Variants in ABCB6 observed in about 807,000 individuals in gnomAD.
The protein encoded by ABCB6 is ATP-binding cassette sub-family B member 6.
A neutral mutation model predicts 99.4 loss-of-function variants in ABCB6; 87 were observed. That is an observed-to-expected ratio of 0.88 (90% CI 0.74 to 1.05). The LOEUF is 1.05. Among genes scored for constraint, ABCB6 ranks in the 50% least tolerant of loss-of-function variants. ABCB6 has a pLI of 0.00. For synonymous variants in ABCB6, 482 were observed against 447.5 expected (o/e 1.08, Z -0.97); for missense variants, 1,050 against 1,097.9 (o/e 0.96, Z 0.62).
Position 219,213,064 on chromosome 2 carries a change from G to A in ABCB6, c.1807C>T (p.Arg603Trp), listed in dbSNP as rs778457867. 7.2e-5 allele frequency: 116 copies of A among 1,613,612 alleles called. No individual in the cohort carries two copies. Among genetic ancestry groups the A allele is most frequent in the Admixed American group, 1.0e-4 (6 of 59,962 alleles). ...AAAGACACGTCCTGCAGAGTCTCCC[G>A]CCTGCAAGGAAAGGTGGGGTTGCTC... ...ENVHFSYADG[R>W]ETLQDVSFTV... Residue 603 changes from arginine to tryptophan, a missense_variant and splice_region_variant, in exon 13 of 19, where the codon CGG (arginine) becomes TGG (tryptophan). Physicochemically the swap from Arg to Trp is moderately radical, Grantham distance 101. Coordinates refer to ENST00000265316, the MANE Select transcript of ABCB6 (RefSeq NM_005689.4).
rs763133963 is a variant in ABCB6 at position 219,218,506 on chromosome 2, G to C, written c.168C>G (p.Pro56=). ...CCCAAGACAGCGAATCAGCACCAGC[G>C]GGCCGCTCCCGGCGTCTGCAGGGAA... ...LALPCRRRER[P]AGADSLSWGA... Residue 56 remains proline (P), a synonymous_variant, in exon 1 of 19, where the codon CCC becomes CCG. Transcript: ENST00000265316. The C allele has an allele frequency of 6.2e-7, 1 of 1,609,402 alleles. No individual in the cohort carries two copies. The highest frequency in any genetic ancestry group is 1.1e-5 in the South Asian group (1 of 90,772).
rs1309652433 is a variant in ABCB6 at position 219,216,835 on chromosome 2, A to T, written c.688-3T>A. The T allele has an allele frequency of 5.6e-6, 9 of 1,609,542 alleles. No homozygotes were observed. Among genetic ancestry groups the T allele is most frequent in the Non-Finnish European group, 7.6e-6 (9 of 1,178,310 alleles). ...GACTGTTGGGCTGCTGACCGAACCT[A>T]GGATGGTGAAACACGTAGGAAGGGA... On this transcript the variant is annotated splice_region_variant and splice_polypyrimidine_tract_variant and intron_variant, in intron 2 of 18. Coordinates refer to ENST00000265316, the MANE Select transcript of ABCB6 (RefSeq NM_005689.4). This position sits in a 1 kb window ranked among gnomAD's most constrained non-coding sequence, Gnocchi z 4.2.
Position 219,209,939 on chromosome 2 carries a change from C to T in ABCB6, c.2528G>A (p.Ter843=). Residue 843 remains the stop codon, a stop_retained_variant, in exon 19 of 19, where the codon TGA becomes TAA. Coordinates refer to ENST00000265316, the MANE Select transcript of ABCB6 (RefSeq NM_005689.4). ...EDTKPQTMER[*] ...GAGAGGGAAGTGGCCAAACTTTTGT[C>T]ACCGTTCCATGGTCTGAGGCTTAGT... is the stretch of plus-strand genomic sequence containing the variant. The T allele has an allele frequency of 4.3e-6, 7 of 1,613,990 alleles. No homozygotes were observed. Among genetic ancestry groups the T allele is most frequent in the Non-Finnish European group, 5.9e-6 (7 of 1,179,836 alleles).
At position 219,218,744 on chromosome 2, in the gene ABCB6, G is replaced by A; in HGVS notation, c.-71C>T. ...GAGGCCGGGACTGGTCACTCGGAGAGGGGCGCGGACATCCGGGTGCCTTGG... is the reference window on the plus strand; with the variant it reads ...GAGGCCGGGACTGGTCACTCGGAGAAGGGCGCGGACATCCGGGTGCCTTGG... On this transcript the variant is annotated 5_prime_UTR_variant, in exon 1 of 19. Coordinates refer to ENST00000265316, the MANE Select transcript of ABCB6 (RefSeq NM_005689.4). 1 of 1,452,386 alleles carries A rather than the reference G, an allele frequency of 6.9e-7. No individual in the cohort carries two copies. Among genetic ancestry groups the A allele is most frequent in the Non-Finnish European group, 9.1e-7 (1 of 1,098,730 alleles). 90.0% of individuals were successfully genotyped at this position (1,452,386 alleles called of 1,614,324 possible).
In ABCB6 at chr2:219,216,749, C is replaced by T; in HGVS notation, c.771G>A (p.Gly257=). Residue 257 remains glycine (G), a synonymous_variant, in exon 3 of 19, where the codon GGG becomes GGA. Coordinates refer to ENST00000265316, the MANE Select transcript of ABCB6 (RefSeq NM_005689.4). The surrounding 1 kb of genome is among the most constrained non-coding windows in gnomAD (Gnocchi z 4.2). The part of the protein sequence containing the change: ...RLLSGYLWPR[G]SPALQLVVLI... ...GCACCACCAGCTGCAGAGCTGGACT[C>T]CCTCGAGGCCACAGGTAGCCACTCA... 6.2e-7 allele frequency: 1 copy of T among 1,610,224 alleles called. No homozygotes were observed. Among genetic ancestry groups the T allele is most frequent in the South Asian group, 1.1e-5 (1 of 90,408 alleles).
At chr2:219,211,507 T>C (rs954782059) in intron 14 of ABCB6, among the ~76,000 whole-genome samples, 1 of 152,140 alleles carries the variant, frequency 6.6e-6, no homozygotes, top group African/African-American at 2.4e-5. Flanking sequence ...GCCAGGTATG[T>C]TGCCCAGGCT....
chr2:219,215,996 C>T lies in ABCB6; in HGVS notation c.1154+1G>A, dbSNP rs2106427805. On this transcript the variant is annotated splice_donor_variant, in intron 5 of 18. Transcript: ENST00000265316. LOFTEE classifies it high-confidence loss of function. ...ACATGCCCTTTCCACTGGGGCGGCA[C>T]CTGAGCAGCCCTGTGACACTGGATG... The T allele has an allele frequency of 6.4e-7, 1 of 1,561,906 alleles. No individual in the cohort carries two copies. Among genetic ancestry groups the T allele is most frequent in the African/African-American group, 1.4e-5 (1 of 73,918 alleles).
In ABCB6 at chr2:219,216,267, A is replaced by G. The variant is rs1281381202; in HGVS notation, c.971-87T>C. On this transcript the variant is annotated intron_variant, in intron 4 of 18. Transcript: ENST00000265316. The surrounding 1 kb of genome is among the most constrained non-coding windows in gnomAD (Gnocchi z 4.2). The stretch of plus-strand genomic sequence containing the variant: ...CAGGATGTGAAAGGTCTGAGAGTAC[A>G]TGGGGGCTGGGGAGGAATGCTGGGA... The G allele has an allele frequency of 8.9e-6, 14 of 1,581,896 alleles. No homozygotes were observed. Among genetic ancestry groups the G allele is most frequent in the Non-Finnish European group, 1.2e-5 (14 of 1,158,798 alleles).
chr2:219,212,247 T>C (rs1950587771), intron 14 of ABCB6, 140 bp downstream of exon 14: 2 of 670,020 alleles, frequency 3.0e-6, no homozygotes, highest in Non-Finnish European at 5.2e-6. Flanking sequence ...CTACTTTACT[T>C]GTGTGACTGT....
chr2:219,214,828 C>T lies in ABCB6; in HGVS notation c.1276+133G>A, dbSNP rs560515281. Reference sequence around the variant, plus strand: ...CAGAAGAGACCCGCCCATCACATGACGAGCACTAGGAGCCCATTCAAGTCC... The same window carrying T: ...CAGAAGAGACCCGCCCATCACATGATGAGCACTAGGAGCCCATTCAAGTCC... On this transcript the variant is annotated intron_variant, in intron 6 of 18. Transcript: ENST00000265316. 416 of 1,026,590 alleles carry T rather than the reference C, an allele frequency of 4.1e-4. 6 individuals are homozygous for T. The South Asian group carries it at 6.1e-3, about 15-fold the overall frequency. The allele number at this position is 1,026,590 out of a possible 1,614,324, so 63.6% of individuals were successfully genotyped here.
chr2:219,218,430 G>A lies in ABCB6; in HGVS notation c.244C>T (p.Leu82Phe), dbSNP rs1261160843. 2 of 1,610,628 alleles carry A rather than the reference G, an allele frequency of 1.2e-6. No individual in the cohort carries two copies. Among genetic ancestry groups the A allele is most frequent in the East Asian group, 2.2e-5 (1 of 44,848 alleles). ...CCGGCCAGGGGCAGCGCCGCCTGAA[G>A]TGTGGCCAGAAGCAGCTGCAGCACG... ...PYVLQLLLAT[L>F]QAALPLAGLA... The change falls in exon 1 of 19, where the codon CTT (leucine) becomes TTT (phenylalanine). Residue 82 changes from leucine to phenylalanine, a missense_variant. Transcript: ENST00000265316.
In ABCB6 at chr2:219,218,322, C is replaced by CGG; in HGVS notation, c.350_351dup (p.Gly118ProfsTer133). On this transcript the variant is annotated frameshift_variant, in exon 1 of 19. Coordinates refer to ENST00000265316, the MANE Select transcript of ABCB6 (RefSeq NM_005689.4). LOFTEE classifies it high-confidence loss of function. ...ACAAGCAGCCACAGGCCACAGGCGC[C>CGG]GGCCAGACTCTCCAGCACGGAGGCC... 7 of 1,613,312 alleles carry CGG rather than the reference C, an allele frequency of 4.3e-6. No individual in the cohort carries two copies. Among genetic ancestry groups the CGG allele is most frequent in the Non-Finnish European group, 5.9e-6 (7 of 1,180,044 alleles).
rs1006130950 is a variant in ABCB6 at position 219,212,399 on chromosome 2, C to T, written c.1956G>A (p.Gln652=). ...ISSGCIRIDG[Q]DISQVTQASL... is the part of the protein sequence containing the mutation. ...AGAGCAACCCTACCTGTGAAATGTC[C>T]TGCCCATCTATTCGGATGCAGCCAG... The change falls in exon 14 of 19, where the codon CAG becomes CAA. Residue 652 remains glutamine, a synonymous_variant. Transcript: ENST00000265316. 1 of 1,614,166 alleles carries T rather than the reference C, an allele frequency of 6.2e-7. No individual in the cohort carries two copies. Among genetic ancestry groups the T allele is most frequent in the Non-Finnish European group, 8.5e-7 (1 of 1,180,014 alleles).
chr2:219,212,783 A>G (rs986617716), intron 13 of ABCB6, among the ~76,000 whole-genome samples: 5 of 152,004 alleles, frequency 3.3e-5, no homozygotes, highest in African/African-American at 1.2e-4. Context: ...AAGCCTCCCA[A>G]AGTGCTGGGA....
In ABCB6 at chr2:219,214,321, C is replaced by T. The variant is rs139991566; in HGVS notation, c.1386+68G>A. The stretch of plus-strand genomic sequence containing the variant: ...TCACACCCCCAGCTCTCTGTCAGCC[C>T]CAGTGGTCCTGGTTACACTCCTCCA... On this transcript the variant is annotated intron_variant, in intron 7 of 18. Coordinates refer to ENST00000265316, the MANE Select transcript of ABCB6 (RefSeq NM_005689.4). 5.8e-5 allele frequency: 87 copies of T among 1,489,342 alleles called. No homozygotes were observed. In the African/African-American group the frequency reaches 9.8e-4, roughly 17 times the overall value. 92.3% of individuals were successfully genotyped at this position (1,489,342 alleles called of 1,614,324 possible). A position where few individuals can be genotyped will look rare whatever the true frequency, so the allele number is the denominator to read the frequency against.
intron 1 of ABCB6, 113 bp from the exon 2 acceptor site, chr2:219,217,920 TAAAAA>T: frequency 1.2e-5 from 14 of 1,184,440 alleles, no homozygotes; most frequent in Admixed American, 3.3e-5. Context: ...CTTACAGGCT[TAAAAA>T]AAAAAAAAAA....
Position 219,213,078 on chromosome 2 carries a change from G to A in ABCB6, c.1806-13C>T. On this transcript the variant is annotated splice_polypyrimidine_tract_variant and intron_variant, in intron 12 of 18. Transcript: ENST00000265316. ...CAGAGTCTCCCGCCTGCAAGGAAAG[G>A]TGGGGTTGCTCAGCAGGCACCTTCC... The A allele has an allele frequency of 6.2e-7, 1 of 1,613,676 alleles. No individual in the cohort carries two copies. Among genetic ancestry groups the A allele is most frequent in the Non-Finnish European group, 8.5e-7 (1 of 1,179,744 alleles).
At position 219,210,718 on chromosome 2, in the gene ABCB6, A is replaced by C. The variant is rs1950566086; in HGVS notation, c.2249T>G (p.Leu750Arg). ...AGGAGACCCAGGGCGCACCTCATCC[A>C]GCAGAATGATGCCCGGAGCCTTGAG... ...TILKAPGIIL[L>R]DEATSALDTS... is the part of the protein sequence containing the mutation. Residue 750 changes from leucine (L) to arginine (R), a missense_variant, in exon 16 of 19, where the codon CTG becomes CGG. By Grantham distance (102) the Leu-to-Arg change is moderately radical. Transcript: ENST00000265316. 2.5e-6 allele frequency: 4 copies of C among 1,613,648 alleles called. No individual in the cohort carries two copies. Among genetic ancestry groups the C allele is most frequent in the Non-Finnish European group, 3.4e-6 (4 of 1,179,966 alleles).
At chr2:219,212,555 C>A (rs941966323) in intron 13 of ABCB6, 64 bp from the exon 14 acceptor site, 3 of 1,263,346 alleles carry the variant, frequency 2.4e-6, no homozygotes, top group Non-Finnish European at 3.4e-6. Context: ...CCGAATCTCA[C>A]TCCGTCACCC....
Sources: allele counts gnomAD v4.1 joint callset (sites outside exome capture counted in the v4.1 genomes callset), GRCh38; gene constraint gnomAD v4.1.1; non-coding constraint Gnocchi (gnomAD v3.1); transcripts MANE v1.5; gene names NCBI Gene and HGNC (gene_info 2026-07-23, HGNC 2026-07-21).